PPP4R2: variants seen among roughly 807,000 people sequenced by gnomAD.
The protein encoded by PPP4R2 is serine/threonine-protein phosphatase 4 regulatory subunit 2.
In PPP4R2, 13 loss-of-function variants were observed where a neutral mutation model predicts 47.2. The observed-to-expected ratio is 0.28, with a 90% CI of 0.18 to 0.44. The LOEUF is 0.44. Among genes scored for constraint, PPP4R2 ranks in the 20% least tolerant of loss-of-function variants. PPP4R2 has a pLI of 1.00. For missense variants in PPP4R2, 421 were observed against 491.2 expected (o/e 0.86, Z 1.35); for synonymous variants, 151 against 163.3 (o/e 0.92, Z 0.57).
intron 5 of PPP4R2, chr3:73,062,268 G>A: frequency 6.2e-7 from 1 of 1,603,064 alleles, no homozygotes; most frequent in South Asian, 1.1e-5. Context: ...CCCAGGAGAT[G>A]ACGCAATGGA....
In PPP4R2 at chr3:72,997,001, G is replaced by C. The variant is rs1426725242; in HGVS notation, c.-37G>C. 6.6e-6 allele frequency: 9 copies of C among 1,353,570 alleles called. No individual in the cohort carries two copies. Among genetic ancestry groups the C allele is most frequent in the Non-Finnish European group, 8.7e-6 (9 of 1,037,532 alleles). The allele number at this position is 1,353,570 out of a possible 1,614,324, so 83.8% of individuals were successfully genotyped here. A position where few individuals can be genotyped will look rare whatever the true frequency, so the allele number is the denominator to read the frequency against. ...GCGTTCCGGTCCCCAAGAGACCCGC[G>C]GAGGGAGGCGGAGGCTGTGAGGGAC... is the stretch of plus-strand genomic sequence containing the variant. On this transcript the variant is annotated 5_prime_UTR_variant, in exon 1 of 9. Coordinates refer to ENST00000356692, the MANE Select transcript of PPP4R2 (RefSeq NM_174907.4).
At chr3:73,027,710 GC>G (rs1231602312) in intron 2 of PPP4R2, 1 of 151,380 alleles carries the variant, frequency 6.6e-6, no homozygotes, top group African/African-American at 2.4e-5. Context: ...AAATATGTGA[GC>G]AGACAGTAGA....
Position 73,036,835 on chromosome 3 carries a change from A to G in PPP4R2, c.117-10351A>G, listed in dbSNP as rs116153466. Among the ~76,000 whole-genome samples the G allele has an allele frequency of 6.8e-3, 1,024 of 151,512 alleles. 22 individuals are homozygous for G. The highest frequency in any genetic ancestry group is 0.024 in the African/African-American group (970 of 41,254). On this transcript the variant is annotated intron_variant, in intron 2 of 8. Coordinates refer to ENST00000356692, the MANE Select transcript of PPP4R2 (RefSeq NM_174907.4). ...TAATCTGTATATAAAATTACACAAA[A>G]TAAACGAATACCAAAATATTAGCTA...
At position 73,067,457 on chromosome 3, in the gene PPP4R2, A is replaced by G. The variant is rs1703022304; in HGVS notation, c.*1735A>G. On this transcript the variant is annotated 3_prime_UTR_variant, in exon 9 of 9. Coordinates refer to ENST00000356692, the MANE Select transcript of PPP4R2 (RefSeq NM_174907.4). ...CTGACTTGACTGTCAGGTTCACAAC[A>G]GCTAGATGATATATTTATGACTATG... is the stretch of plus-strand genomic sequence containing the variant. 1 of 152,180 alleles carries G rather than the reference A, an allele frequency of 6.6e-6. No individual in the cohort carries two copies. Among genetic ancestry groups the G allele is most frequent in the Admixed American group, 6.5e-5 (1 of 15,280 alleles). 9.4% of individuals were successfully genotyped at this position (152,180 alleles called of 1,614,324 possible).
At chr3:73,022,098 T>C (rs989840095) in intron 2 of PPP4R2, among the ~76,000 whole-genome samples, 3 of 151,844 alleles carry the variant, frequency 2.0e-5, no homozygotes, top group Non-Finnish European at 2.9e-5. Flanking sequence ...AGTTTCACCA[T>C]GTTGGCCAGG....
intron 2 of PPP4R2, among the ~76,000 whole-genome samples, chr3:73,000,904 A>G (rs1411232413): frequency 6.6e-6 from 1 of 152,152 alleles, no homozygotes; most frequent in East Asian, 1.9e-4. Context: ...ATTTAAAGGT[A>G]TTTGATGGGT....
intron 2 of PPP4R2, among the ~76,000 whole-genome samples, chr3:73,046,583 A>C (rs185831782): frequency 1.9e-3 from 290 of 152,262 alleles, no homozygotes; most frequent in African/African-American, 6.4e-3. Flanking sequence ...TACCTAAGCA[A>C]ATTATGTATT....
At chr3:73,038,202 G>T (rs1317781537) in intron 2 of PPP4R2, among the ~76,000 whole-genome samples, 3 of 152,118 alleles carry the variant, frequency 2.0e-5, no homozygotes. Context: ...GAGGAAGGTA[G>T]ATCCACTTCA....
At chr3:73,055,773 A>G (rs558438022) in intron 3 of PPP4R2, among the ~76,000 whole-genome samples, 212 of 151,840 alleles carry the variant, frequency 1.4e-3, no homozygotes, top group Non-Finnish European at 2.3e-3. Context: ...GGTTCAAGCA[A>G]TTCTTTTGCC....
At chr3:72,997,155 C>T (rs530722724) in intron 1 of PPP4R2, 84 bp downstream of exon 1, 6 of 1,132,500 alleles carry the variant, frequency 5.3e-6, no homozygotes, top group Non-Finnish European at 6.9e-6. Context: ...GTTCCGAGGA[C>T]CGGGGCCGGG....
At chr3:73,055,757 C>G (rs1400868940) in intron 3 of PPP4R2, among the ~76,000 whole-genome samples, 2 of 151,758 alleles carry the variant, frequency 1.3e-5, no homozygotes, top group Non-Finnish European at 2.9e-5. Flanking sequence ...CAACCTCCAC[C>G]GCCCAGGTTC....
At chr3:73,051,920 C>T (rs1031161322) in intron 3 of PPP4R2, among the ~76,000 whole-genome samples, 106 of 152,286 alleles carry the variant, frequency 7.0e-4, no homozygotes, top group African/African-American at 2.5e-3. Flanking sequence ...CCACTGCGCC[C>T]GGCCAAAGTA....
chr3:73,064,230 T>A, intron 7 of PPP4R2, 84 bp downstream of exon 7: 1 of 1,220,616 alleles, frequency 8.2e-7, no homozygotes, highest in Non-Finnish European at 1.1e-6. Context: ...TTACTATTTA[T>A]AAGTTCTGAG....
rs35050858 is a variant in PPP4R2 at position 73,065,979 on chromosome 3, A to ATT, written c.*271_*272dup. On this transcript the variant is annotated 3_prime_UTR_variant, in exon 9 of 9. Transcript: ENST00000356692. Reference sequence around the variant, plus strand: ...GGGCAAATCAGTGGTTTGTGTATAGATTTTTTTTTTTTTTTAATTTAGGAT... The same window carrying ATT: ...GGGCAAATCAGTGGTTTGTGTATAGATTTTTTTTTTTTTTTTTAATTTAGGAT... 0.01 allele frequency: 1,908 copies of ATT among 184,410 alleles called. 24 individuals are homozygous for ATT. The highest frequency in any genetic ancestry group is 0.05 in the East Asian group (438 of 8,830). 11.4% of individuals were successfully genotyped at this position (184,410 alleles called of 1,614,324 possible).
At chr3:73,056,583 T>C (rs928169679) in intron 3 of PPP4R2, among the ~76,000 whole-genome samples, 3 of 152,132 alleles carry the variant, frequency 2.0e-5, no homozygotes, top group Non-Finnish European at 4.4e-5. Flanking sequence ...GGATACTTGG[T>C]AAAATGACTT....
At chr3:73,046,002 G>T (rs1429827391) in intron 2 of PPP4R2, among the ~76,000 whole-genome samples, 1 of 152,130 alleles carries the variant, frequency 6.6e-6, no homozygotes, top group South Asian at 2.1e-4. Context: ...TGTAAAAGAT[G>T]TATTCAAGGG....
chr3:73,038,985 C>G (rs1702322097), intron 2 of PPP4R2, among the ~76,000 whole-genome samples: 1 of 151,956 alleles, frequency 6.6e-6, no homozygotes, highest in African/African-American at 2.4e-5. Flanking sequence ...GAATTTTTGT[C>G]AAAACTTTAT....
chr3:73,009,517 T>C (rs1701680145), intron 2 of PPP4R2, among the ~76,000 whole-genome samples: 1 of 152,226 alleles, frequency 6.6e-6, no homozygotes, highest in South Asian at 2.1e-4. Flanking sequence ...TGCCAGTGAA[T>C]GTATGGAATC....
At chr3:72,998,495 T>A (rs763288649) in intron 2 of PPP4R2, among the ~76,000 whole-genome samples, 5 of 152,224 alleles carry the variant, frequency 3.3e-5, no homozygotes, top group Non-Finnish European at 7.3e-5. Flanking sequence ...ATAGGCTTAT[T>A]CCTAGAATTT....
Sources: gnomAD v4.1 joint callset for allele counts (sites outside exome capture counted in the v4.1 genomes callset) on GRCh38, gnomAD v4.1.1 for gene constraint, MANE v1.5 for transcripts, NCBI Gene and HGNC (gene_info 2026-07-23, HGNC 2026-07-21) for gene names.